NELL1: variants seen among roughly 807,000 people sequenced by gnomAD.
NELL1 encodes the protein neural EGFL like 1.
Under a neutral mutation model 107.4 loss-of-function variants are expected in NELL1, and 76 were observed. The ratio of observed to expected loss-of-function variants is 0.71; its 90% CI spans 0.59 to 0.86. The LOEUF is 0.86. Among genes scored for constraint, NELL1 ranks in the 40% least tolerant of loss-of-function variants. The probability of loss-of-function intolerance (pLI) is 0.00; values close to 1 mark genes in which losing one functional copy is unlikely to be tolerated. For synonymous variants in NELL1, 353 were observed against 341.2 expected (o/e 1.03, Z -0.38); for missense variants, 1,024 against 1,005.5 (o/e 1.02, Z -0.25).
chr11:20,878,977 T>C (rs1191321585), intron 4 of NELL1, among the ~76,000 whole-genome samples: 1 of 152,160 alleles, frequency 6.6e-6, no homozygotes, highest in East Asian at 1.9e-4. Context: ...AGTTACTTTA[T>C]ATAGGGTGCT....
chr11:20,755,556 G>GTTTTTTTTTTTTT (rs1188989442), intron 2 of NELL1, among the ~76,000 whole-genome samples: 3 of 23,368 alleles, frequency 1.3e-4, no homozygotes, highest in African/African-American at 2.5e-4. Flanking sequence ...TTTTGTTTTT[G>GTTTTTTTTTTTTT]TTTTTGTTTT....
At chr11:21,389,731 T>C (rs1851825593) in intron 15 of NELL1, among the ~76,000 whole-genome samples, 1 of 151,852 alleles carries the variant, frequency 6.6e-6, no homozygotes. Context: ...GTAAGATTTA[T>C]TCATGCTGTG....
intron 13 of NELL1, among the ~76,000 whole-genome samples, chr11:21,151,164 G>C: frequency 6.6e-6 from 1 of 152,266 alleles, no homozygotes; most frequent in Non-Finnish European, 1.5e-5. Context: ...ATTTTTCCCA[G>C]AGCACCCAGG....
intron 13 of NELL1, among the ~76,000 whole-genome samples, chr11:21,117,785 A>T (rs1466087858): frequency 6.6e-6 from 1 of 152,016 alleles, no homozygotes; most frequent in East Asian, 1.9e-4. Context: ...TCATCAAGAC[A>T]GGGAAAAGAG....
chr11:21,518,004 G>A (rs1340538172), intron 15 of NELL1, among the ~76,000 whole-genome samples: 1 of 151,796 alleles, frequency 6.6e-6, no homozygotes, highest in Admixed American at 6.6e-5. Context: ...TTTAAGCCAA[G>A]TGCATCCAGG....
intron 13 of NELL1, among the ~76,000 whole-genome samples, chr11:21,197,180 C>A (rs890851175): frequency 6.6e-6 from 1 of 150,690 alleles, no homozygotes; most frequent in African/African-American, 2.5e-5. Context: ...CCCAACCGGT[C>A]TTATTTAATT....
At chr11:20,943,823 A>G (rs1052824183) in intron 10 of NELL1, among the ~76,000 whole-genome samples, 1 of 152,086 alleles carries the variant, frequency 6.6e-6, no homozygotes, top group African/African-American at 2.4e-5. Flanking sequence ...CTCAATTCTG[A>G]ATTTTAGAGG....
intron 2 of NELL1, among the ~76,000 whole-genome samples, chr11:20,748,895 TCCATCCACCCAGCCAC>T (rs1280349376): frequency 2.1e-5 from 3 of 141,310 alleles, no homozygotes; most frequent in Non-Finnish European, 3.1e-5. Context: ...CATCCATCCA[TCCATCCACCCAGCCAC>T]CCATCCATCC....
At chr11:21,198,363 A>G (rs1857197757) in intron 13 of NELL1, among the ~76,000 whole-genome samples, 1 of 152,216 alleles carries the variant, frequency 6.6e-6, no homozygotes, top group South Asian at 2.1e-4. Flanking sequence ...TCCAGATTCA[A>G]ACGGAGGGCA....
intron 12 of NELL1, among the ~76,000 whole-genome samples, chr11:21,082,537 A>C (rs1285573211): frequency 6.6e-6 from 1 of 152,002 alleles, no homozygotes; most frequent in East Asian, 1.9e-4. Context: ...TATACTGTTA[A>C]ATTCATTTTT....
At chr11:21,042,076 T>C (rs11025889) in intron 12 of NELL1, among the ~76,000 whole-genome samples, 14,044 of 152,328 alleles carry the variant, frequency 0.092, 852 homozygotes, top group South Asian at 0.16. Context: ...TTAGCTTGAA[T>C]ACATCATTTA....
At chr11:21,260,424 C>T (rs1848506135) in intron 14 of NELL1, 1 of 151,926 alleles carries the variant, frequency 6.6e-6, no homozygotes, top group Non-Finnish European at 1.5e-5. Context: ...TATAATGTGA[C>T]TGGCAAACAT....
intron 12 of NELL1, among the ~76,000 whole-genome samples, chr11:21,081,467 C>A (rs962994060): frequency 4.6e-5 from 7 of 152,058 alleles, no homozygotes; most frequent in Non-Finnish European, 1.0e-4. Context: ...AATTTGTATC[C>A]AAATGCCCAA....
intron 13 of NELL1, among the ~76,000 whole-genome samples, chr11:21,219,410 C>A (rs778288305): frequency 6.6e-6 from 1 of 152,072 alleles, no homozygotes; most frequent in Non-Finnish European, 1.5e-5. Flanking sequence ...GCTTGAAAAC[C>A]TATTGCCCCA....
intron 15 of NELL1, among the ~76,000 whole-genome samples, chr11:21,455,311 TC>T (rs1853698583): frequency 5.4e-5 from 7 of 128,776 alleles, no homozygotes; most frequent in Admixed American, 1.9e-4. Flanking sequence ...CTTTTTTTTT[TC>T]TTTTATTCTT....
rs1048159223 is a variant in NELL1, at chr11:20,918,054, A to C, written c.604-128A>C. 4.7e-5 allele frequency: 32 copies of C among 687,392 alleles called. No homozygotes were observed. In the African/African-American group the frequency reaches 4.8e-4, roughly 10 times the overall value. The allele number at this position is 687,392 out of a possible 1,614,324, so 42.6% of individuals were successfully genotyped here. On this transcript the variant is annotated intron_variant, in intron 5 of 19. Coordinates refer to ENST00000357134, the MANE Select transcript of NELL1 (RefSeq NM_006157.5). ...GAGTAGTTCAGTATATACTAAGGCCAGCTCACCCTTTGAATGAATCAATTT... is the reference window on the plus strand; with the variant it reads ...GAGTAGTTCAGTATATACTAAGGCCCGCTCACCCTTTGAATGAATCAATTT...
At chr11:20,821,848 A>C (rs1215146794) in intron 3 of NELL1, among the ~76,000 whole-genome samples, 1 of 152,220 alleles carries the variant, frequency 6.6e-6, no homozygotes, top group Non-Finnish European at 1.5e-5. Flanking sequence ...TTTGTATGTT[A>C]CTGGGGAGCA....
chr11:21,047,033 G>T (rs762738900), intron 12 of NELL1, among the ~76,000 whole-genome samples: 2 of 151,844 alleles, frequency 1.3e-5, no homozygotes, highest in Non-Finnish European at 2.9e-5. Context: ...CTCTAGATTT[G>T]TTAAAAGCTT....
chr11:21,515,361 G>A (rs1855531031), intron 15 of NELL1, among the ~76,000 whole-genome samples: 1 of 152,152 alleles, frequency 6.6e-6, no homozygotes. Flanking sequence ...CAGATGAAGA[G>A]GAAGCAGATA....
Sources: gnomAD v4.1 joint callset for allele counts (sites outside exome capture counted in the v4.1 genomes callset) on GRCh38, gnomAD v4.1.1 for gene constraint, MANE v1.5 for transcripts, NCBI Gene and HGNC (gene_info 2026-07-23, HGNC 2026-07-21) for gene names.